C2CD3: variants seen among roughly 807,000 people sequenced by gnomAD.
C2CD3 encodes C2 domain-containing protein 3.
Under a neutral mutation model 234.0 loss-of-function variants are expected in C2CD3, and 148 were observed. The ratio of observed to expected loss-of-function variants is 0.63; its 90% CI spans 0.55 to 0.72. The LOEUF is 0.72. C2CD3 is among the 30% of genes least tolerant of loss of function. The pLI is 0.00. For missense variants in C2CD3, 2,577 were observed against 2,811.5 expected (o/e 0.92, Z 1.89); for synonymous variants, 1,000 against 1,035.4 (o/e 0.97, Z 0.66).
intron 26 of C2CD3, among the ~76,000 whole-genome samples, chr11:74,052,471 G>A (rs577222227): frequency 6.6e-6 from 1 of 152,158 alleles, no homozygotes; most frequent in East Asian, 1.9e-4. Context: ...GCAGAGCCAA[G>A]ATTTGAACTC....
At chr11:74,025,372 C>T (rs1377757739) in intron 32 of C2CD3, among the ~76,000 whole-genome samples, 5 of 151,904 alleles carry the variant, frequency 3.3e-5, no homozygotes, top group African/African-American at 7.3e-5. Flanking sequence ...CTGAGGCAGG[C>T]GGATCACAAG....
chr11:74,034,308 C>A, intron 30 of C2CD3, 30 bp from the exon 31 acceptor site: 1 of 1,516,928 alleles, frequency 6.6e-7, no homozygotes. Context: ...ACTCTTATTA[C>A]AAGGTAGGGC....
intron 8 of C2CD3, among the ~76,000 whole-genome samples, chr11:74,119,284 A>T (rs1176543605): frequency 6.6e-6 from 1 of 152,178 alleles, no homozygotes; most frequent in Admixed American, 6.5e-5. Context: ...TGAACTGTTT[A>T]CTATAGTCAC....
intron 24 of C2CD3, among the ~76,000 whole-genome samples, chr11:74,065,109 C>T (rs1954449391): frequency 6.6e-6 from 1 of 152,132 alleles, no homozygotes; most frequent in Admixed American, 6.5e-5. Flanking sequence ...AAGAAACTAC[C>T]ATCAGAGTGA....
intron 7 of C2CD3, among the ~76,000 whole-genome samples, chr11:74,124,022 T>G (rs1957315715): frequency 6.6e-6 from 1 of 152,126 alleles, no homozygotes; most frequent in Admixed American, 6.6e-5. Context: ...CCTTTTTTGA[T>G]AGCAATTTTT....
chr11:74,032,348 C>T (rs977007109), intron 31 of C2CD3, among the ~76,000 whole-genome samples: 8 of 152,166 alleles, frequency 5.3e-5, no homozygotes, highest in Non-Finnish European at 1.2e-4. Context: ...ATATTCCCTG[C>T]TTGTTGGGAT....
chr11:74,086,148 T>C lies in C2CD3; in HGVS notation c.3642-262A>G, dbSNP rs11235994. On this transcript the variant is annotated intron_variant, in intron 20 of 32. Coordinates refer to ENST00000334126, the MANE Select transcript of C2CD3 (RefSeq NM_001286577.2). Reference sequence around the variant, plus strand: ...TGACCCACTGTCCTGTCAATGCTCTTAAGTCAAGGACCACAGGAACCAACT... The same window carrying C: ...TGACCCACTGTCCTGTCAATGCTCTCAAGTCAAGGACCACAGGAACCAACT... 0.18 allele frequency among the ~76,000 whole-genome samples: 27,361 copies of C among 152,146 alleles called. 2,665 individuals carry two copies. The highest frequency in any genetic ancestry group is 0.3 in the East Asian group (1,540 of 5,162).
intron 25 of C2CD3, among the ~76,000 whole-genome samples, chr11:74,056,878 C>G (rs1050059309): frequency 4.6e-5 from 7 of 151,334 alleles, no homozygotes; most frequent in Non-Finnish European, 7.4e-5. Context: ...ACCAGCATCC[C>G]CTTCTTATTT....
chr11:74,014,380 C>T (rs1403041179), intron 32 of C2CD3, among the ~76,000 whole-genome samples: 4 of 152,130 alleles, frequency 2.6e-5, no homozygotes, highest in African/African-American at 9.7e-5. Context: ...GTCATCAAGT[C>T]CCATGAGCTG....
At chr11:74,137,944 T>A (rs547249269) in intron 5 of C2CD3, among the ~76,000 whole-genome samples, 3 of 152,250 alleles carry the variant, frequency 2.0e-5, no homozygotes, top group African/African-American at 7.2e-5. Context: ...ATAAACAAAA[T>A]GTTTTTGTTC....
chr11:74,100,401 A>T, intron 15 of C2CD3, 124 bp downstream of exon 15: 1 of 866,160 alleles, frequency 1.2e-6, no homozygotes, highest in Non-Finnish European at 1.8e-6. Flanking sequence ...AACTCTGTTG[A>T]AACTGGAAAA....
At chr11:74,131,379 T>C (rs1957676403) in intron 7 of C2CD3, among the ~76,000 whole-genome samples, 2 of 151,568 alleles carry the variant, frequency 1.3e-5, no homozygotes, top group Non-Finnish European at 2.9e-5. Context: ...GATACAGATA[T>C]AGATAATGGT....
chr11:74,106,234 C>T lies in C2CD3; in HGVS notation c.2085+137G>A, dbSNP rs1956511795. On this transcript the variant is annotated intron_variant, in intron 13 of 32. Transcript: ENST00000334126. The stretch of plus-strand genomic sequence containing the variant: ...CATACCATTTATTTCCTTCATAGTA[C>T]TTCCACTGCTCTATTTCAAGAGATG... 3 of 749,478 alleles carry T rather than the reference C, an allele frequency of 4.0e-6. No homozygotes were observed. In the South Asian group the frequency reaches 6.0e-5, roughly 15 times the overall value. 46.4% of individuals were successfully genotyped at this position (749,478 alleles called of 1,614,324 possible).
chr11:74,114,590 A>G lies in C2CD3; in HGVS notation c.1524T>C (p.Asn508=). The change falls in exon 10 of 33, where the codon AAT becomes AAC. Residue 508 remains asparagine, a synonymous_variant. Coordinates refer to ENST00000334126, the MANE Select transcript of C2CD3 (RefSeq NM_001286577.2). ...KKRSAGKRNR[N]LVEQQMLSET... ...CTGAGAGCATCTGTTGTTCAACCAAATTTCTGAAAGGAGTTCACACAAGCA... is the reference window on the plus strand; with the variant it reads ...CTGAGAGCATCTGTTGTTCAACCAAGTTTCTGAAAGGAGTTCACACAAGCA... 6.2e-7 allele frequency: 1 copy of G among 1,611,684 alleles called. No individual in the cohort carries two copies. Among genetic ancestry groups the G allele is most frequent in the Non-Finnish European group, 8.5e-7 (1 of 1,177,846 alleles).
intron 27 of C2CD3, 47 bp downstream of exon 27, chr11:74,049,290 G>A: frequency 6.7e-7 from 1 of 1,482,326 alleles, no homozygotes; most frequent in African/African-American, 1.4e-5. Flanking sequence ...TGTTCTTATA[G>A]GTCAGTACAA....
rs772001915 is a variant in C2CD3 at position 74,057,448 on chromosome 11, T to C, written c.5048A>G (p.Glu1683Gly). The change falls in exon 25 of 33, where the codon GAA (glutamate) becomes GGA (glycine). Residue 1683 changes from glutamate to glycine, a missense_variant. By Grantham distance (98) the Glu-to-Gly change is moderately conservative. Transcript: ENST00000334126. ...ESSPVYTQVVENTDSPIWNFQ... is the reference protein window; with the variant it reads ...ESSPVYTQVVGNTDSPIWNFQ... ...ATTCCAGATGGGGGAATCTGTGTTT[T>C]CAACCACTTGGGTGTATACAGGAGA... 1.9e-6 allele frequency: 3 copies of C among 1,614,176 alleles called. No homozygotes were observed. The South Asian group carries it at 3.3e-5, about 18-fold the overall frequency.
At position 74,092,583 on chromosome 11, in the gene C2CD3, T is replaced by C. The variant is rs376402198; in HGVS notation, c.3350A>G (p.Tyr1117Cys). 14 of 1,611,502 alleles carry C rather than the reference T, an allele frequency of 8.7e-6. No homozygotes were observed. The highest frequency in any genetic ancestry group is 1.7e-4 in the Middle Eastern group (1 of 6,034). The change falls in exon 19 of 33, where the codon TAT becomes TGT. Residue 1117 changes from tyrosine (Y) to cysteine (C), a missense_variant. Coordinates refer to ENST00000334126, the MANE Select transcript of C2CD3 (RefSeq NM_001286577.2). Reference sequence around the variant, plus strand: ...CTTCTGGTCTCTCACATTAGGATAATAGTATCTGTAAACCACAAAAGCACA... The same window carrying C: ...CTTCTGGTCTCTCACATTAGGATAACAGTATCTGTAAACCACAAAAGCACA... ...GVQFEIWCRY[Y>C]YPNVRDQKVA... is the part of the protein sequence containing the mutation.
chr11:74,043,436 T>C (rs1348551910), intron 28 of C2CD3, among the ~76,000 whole-genome samples: 2 of 152,370 alleles, frequency 1.3e-5, no homozygotes, highest in East Asian at 1.9e-4. Flanking sequence ...GGAATAATGC[T>C]ACAAACATAC....
chr11:74,106,991 G>GAAA (rs1246206688), intron 12 of C2CD3, among the ~76,000 whole-genome samples: 1 of 152,104 alleles, frequency 6.6e-6, no homozygotes, highest in Non-Finnish European at 1.5e-5. Flanking sequence ...TATGCTCTTT[G>GAAA]GCCCAGTAAT....
Sources: allele counts gnomAD v4.1 joint callset (sites outside exome capture counted in the v4.1 genomes callset), GRCh38; gene constraint gnomAD v4.1.1; transcripts MANE v1.5; gene names NCBI Gene and HGNC (gene_info 2026-07-23, HGNC 2026-07-21).